The following PRKCA variants were observed in gnomAD, a reference collection of about 807,000 sequenced individuals.
PRKCA encodes protein kinase C alpha type.
Under a neutral mutation model 87.0 loss-of-function variants are expected in PRKCA, and 27 were observed. The observed-to-expected ratio is 0.31, with a 90% CI of 0.23 to 0.43. PRKCA has a LOEUF of 0.43. Among genes scored for constraint, PRKCA ranks in the 20% least tolerant of loss-of-function variants. PRKCA has a pLI of 1.00. For synonymous variants in PRKCA, 329 were observed against 311.1 expected, an observed-to-expected ratio of 1.06 and a Z score of -0.61; for missense variants, 518 against 852.3, an observed-to-expected ratio of 0.61 and a Z score of 4.88.
intron 16 of PRKCA, among the ~76,000 whole-genome samples, chr17:66,798,411 TGATGGTGGTGGTGGTGGTGGTGAC>T (rs1975729380): frequency 2.5e-4 from 30 of 121,936 alleles, no homozygotes; most frequent in South Asian, 1.0e-3. Context: ...GTGGTGATGG[TGATGGTGGTGGTGGTGGTGGTGAC>T]GGTGGTGGTG....
At chr17:66,387,420 G>A (rs1910124199) in intron 2 of PRKCA, among the ~76,000 whole-genome samples, 1 of 152,186 alleles carries the variant, frequency 6.6e-6, no homozygotes, top group Admixed American at 6.5e-5. Context: ...AGGCAGCTGA[G>A]GGACTCTTGA....
At chr17:66,465,707 T>C (rs1598696137) in intron 2 of PRKCA, among the ~76,000 whole-genome samples, 1 of 152,268 alleles carries the variant, frequency 6.6e-6, no homozygotes, top group Non-Finnish European at 1.5e-5. Context: ...GCCTGATATG[T>C]TTTAATTCTA....
intron 2 of PRKCA, among the ~76,000 whole-genome samples, chr17:66,351,283 A>G (rs2143423224): frequency 6.6e-6 from 1 of 152,356 alleles, no homozygotes; most frequent in Admixed American, 6.5e-5. Flanking sequence ...GCCAACTGAC[A>G]GGGCAGGGAC....
chr17:66,788,862 G>T lies in PRKCA; in HGVS notation c.1737G>T (p.Lys579Asn), dbSNP rs752683507. The change falls in exon 16 of 17, where the codon AAG becomes AAT. Residue 579 changes from lysine (K) to asparagine (N), a missense_variant. Lys to Asn is a moderately conservative substitution (Grantham distance 94). This residue lies in a region of PRKCA where 159 missense variants were observed against 232.4 expected (regional missense o/e 0.68). Transcript: ENST00000413366. ...CKGLMTKHPA[K>N]RLGCGPEGER... ...AGCTGATGACCAAACACCCAGCCAA[G>T]CGGCTGGGCTGTGGGCCTGAGGGGG... 6.2e-7 allele frequency: 1 copy of T among 1,613,136 alleles called. No individual in the cohort carries two copies. Among genetic ancestry groups the T allele is most frequent in the Admixed American group, 1.7e-5 (1 of 59,576 alleles).
At position 66,782,211 on chromosome 17, in the gene PRKCA, CTG is replaced by C. The variant is rs560099820; in HGVS notation, c.1606-4652_1606-4651del. ...ATAGGTGTGAGCCACCACACCCAGC[CTG>C]TGTTATATATATTTTATCACAATTA... On this transcript the variant is annotated intron_variant, in intron 14 of 16. Transcript: ENST00000413366. Among the ~76,000 whole-genome samples the C allele has an allele frequency of 5.3e-3, 805 of 151,676 alleles. 6 individuals carry two copies. Among genetic ancestry groups the C allele is most frequent in the African/African-American group, 0.017 (715 of 41,140 alleles).
chr17:66,720,971 G>A (rs1454066523), intron 8 of PRKCA, among the ~76,000 whole-genome samples: 1 of 152,108 alleles, frequency 6.6e-6, no homozygotes, highest in African/African-American at 2.4e-5. Context: ...CATTTAAAGT[G>A]GAATGTAGTT....
At chr17:66,595,323 G>A (rs2143563213) in intron 3 of PRKCA, among the ~76,000 whole-genome samples, 1 of 152,104 alleles carries the variant, frequency 6.6e-6, no homozygotes, top group African/African-American at 2.4e-5. Context: ...GTGAGCCACT[G>A]CACCTGGCCT....
At chr17:66,483,781 G>T (rs1021300804) in intron 2 of PRKCA, among the ~76,000 whole-genome samples, 47 of 152,018 alleles carry the variant, frequency 3.1e-4, no homozygotes, top group Admixed American at 3.1e-3. Flanking sequence ...TTTTTGTAAG[G>T]ATGCCAGTCA....
intron 2 of PRKCA, among the ~76,000 whole-genome samples, chr17:66,344,175 A>G (rs371513795): frequency 6.6e-6 from 1 of 152,282 alleles, no homozygotes; most frequent in Non-Finnish European, 1.5e-5. Flanking sequence ...GAAATTTCCT[A>G]TTCGGCATTT....
At chr17:66,668,098 A>C (rs1304460777) in intron 5 of PRKCA, among the ~76,000 whole-genome samples, 1 of 152,186 alleles carries the variant, frequency 6.6e-6, no homozygotes, top group Admixed American at 6.5e-5. Context: ...ACCTGAAAGA[A>C]AGCAAGAAGA....
chr17:66,472,358 G>T (rs1359153294), intron 2 of PRKCA, among the ~76,000 whole-genome samples: 2 of 152,156 alleles, frequency 1.3e-5, no homozygotes, highest in African/African-American at 2.4e-5. Flanking sequence ...CTAGGAAAAG[G>T]AAGTCCTGTC....
In PRKCA at chr17:66,808,214, A is replaced by T. The variant is rs1976076774; in HGVS notation, c.*4177A>T. 1 of 152,102 alleles carries T rather than the reference A, an allele frequency of 6.6e-6. No individual in the cohort carries two copies. The highest frequency in any genetic ancestry group is 2.1e-4 in the South Asian group (1 of 4,820). 9.4% of individuals were successfully genotyped at this position (152,102 alleles called of 1,614,324 possible). On this transcript the variant is annotated 3_prime_UTR_variant, in exon 17 of 17. Transcript: ENST00000413366. The stretch of plus-strand genomic sequence containing the variant: ...AATTATGGCAGCTGAGGATGAATGG[A>T]GAAGTAAAAACAACTAACACCGCAC...
intron 3 of PRKCA, among the ~76,000 whole-genome samples, chr17:66,528,255 T>G (rs1010374923): frequency 6.7e-6 from 1 of 149,694 alleles, no homozygotes; most frequent in African/African-American, 2.5e-5. Flanking sequence ...GATGCATAAT[T>G]GCTGCAGGTA....
intron 5 of PRKCA, among the ~76,000 whole-genome samples, chr17:66,672,808 GT>G (rs544080426): frequency 5.7e-4 from 86 of 152,104 alleles, no homozygotes; most frequent in Non-Finnish European, 7.2e-4. Context: ...ATAAAGGCAG[GT>G]TCTAAAACTT....
At chr17:66,407,299 C>T (rs1040902069) in intron 2 of PRKCA, among the ~76,000 whole-genome samples, 5 of 151,920 alleles carry the variant, frequency 3.3e-5, no homozygotes, top group African/African-American at 4.8e-5. Context: ...GATGGTTTAG[C>T]ACCATCACCT....
chr17:66,709,692 T>C (rs201268256), intron 8 of PRKCA, among the ~76,000 whole-genome samples: 45 of 151,314 alleles, frequency 3.0e-4, no homozygotes, highest in South Asian at 1.3e-3. Context: ...TTTTTTTTTT[T>C]CCCTTTTTCT....
intron 2 of PRKCA, among the ~76,000 whole-genome samples, chr17:66,361,303 C>T (rs892530619): frequency 1.9e-4 from 28 of 146,502 alleles, no homozygotes; most frequent in African/African-American, 6.2e-4. Flanking sequence ...TTTCAAAAGA[C>T]GCATACATTA....
chr17:66,627,785 C>T (rs188324053), intron 3 of PRKCA, among the ~76,000 whole-genome samples: 6 of 152,248 alleles, frequency 3.9e-5, no homozygotes, highest in East Asian at 1.9e-4. Flanking sequence ...CCTTAACTAA[C>T]GCATGGTTGG....
At chr17:66,649,950 G>T (rs1355252830) in intron 5 of PRKCA, among the ~76,000 whole-genome samples, 1 of 152,204 alleles carries the variant, frequency 6.6e-6, no homozygotes, top group Non-Finnish European at 1.5e-5. Flanking sequence ...AGGGAAGAGA[G>T]CTCCGATTGA....
Sources: allele counts gnomAD v4.1 joint callset (sites outside exome capture counted in the v4.1 genomes callset), GRCh38; gene constraint gnomAD v4.1.1; regional missense constraint gnomAD v4.1.1; transcripts MANE v1.5; gene names NCBI Gene and HGNC (gene_info 2026-07-23, HGNC 2026-07-21).